The following PICK1 variants were observed in gnomAD, a reference collection of about 807,000 sequenced individuals.
PICK1 encodes PRKCA-binding protein.
In PICK1, 23 loss-of-function variants were observed where a neutral mutation model predicts 48.9. The ratio of observed to expected loss-of-function variants is 0.47; its 90% CI spans 0.34 to 0.67. The LOEUF (loss-of-function observed/expected upper bound fraction) is 0.67. Among genes scored for constraint, PICK1 ranks in the 30% least tolerant of loss-of-function variants. PICK1 has a pLI of 0.01. For synonymous variants in PICK1, 217 were observed against 228.2 expected (o/e 0.95, Z 0.44); for missense variants, 423 against 557.1 (o/e 0.76, Z 2.42).
Position 38,073,679 on chromosome 22 carries a change from C to T in PICK1, c.784-94C>T. The T allele has an allele frequency of 1.7e-6, 2 of 1,172,572 alleles. No individual in the cohort carries two copies. Among genetic ancestry groups the T allele is most frequent in the African/African-American group, 1.5e-5 (1 of 66,636 alleles). The allele number at this position is 1,172,572 out of a possible 1,614,324, so 72.6% of individuals were successfully genotyped here. A position where few individuals can be genotyped will look rare whatever the true frequency, so the allele number is the denominator to read the frequency against. ...TCTGGGACTCCCTGAACACCTGCGC[C>T]AGCCTCTCCTGCTGCGTGTGGGTGA... is the stretch of plus-strand genomic sequence containing the variant. On this transcript the variant is annotated intron_variant, in intron 10 of 12. Coordinates refer to ENST00000356976, the MANE Select transcript of PICK1 (RefSeq NM_012407.4). This position sits in a 1 kb window ranked among gnomAD's most constrained non-coding sequence, Gnocchi z 5.7.
At chr22:38,058,683 T>C (rs530970206) in intron 2 of PICK1, among the ~76,000 whole-genome samples, 73 of 152,184 alleles carry the variant, frequency 4.8e-4, no homozygotes, top group Admixed American at 2.7e-3. Flanking sequence ...GATGAGGAAA[T>C]TGAGATGCAC....
At chr22:38,067,971 G>A in intron 5 of PICK1, 2 of 678,722 alleles carry the variant, frequency 2.9e-6, no homozygotes, top group South Asian at 3.0e-5. Context: ...ATCTGTTCTT[G>A]TACTCTGTCC....
rs2085797145 is a variant in PICK1, at chr22:38,074,840, C to G, written c.980-24C>G. 5 of 1,607,332 alleles carry G rather than the reference C, an allele frequency of 3.1e-6. No individual in the cohort carries two copies. The highest frequency in any genetic ancestry group is 4.2e-6 in the Non-Finnish European group (5 of 1,179,818). On this transcript the variant is annotated intron_variant, in intron 12 of 12. Coordinates refer to ENST00000356976, the MANE Select transcript of PICK1 (RefSeq NM_012407.4). The surrounding 1 kb of genome is among the most constrained non-coding windows in gnomAD (Gnocchi z 4.5). The stretch of plus-strand genomic sequence containing the variant: ...GCAGGCAGCCAGAGCCCACTGCAGC[C>G]TGTCCCCCGACCTCCCACCCCAGTC...
At chr22:38,072,003 T>C in intron 8 of PICK1, 1 of 552,166 alleles carries the variant, frequency 1.8e-6, no homozygotes, top group Non-Finnish European at 3.3e-6. Flanking sequence ...TGCTTATTTA[T>C]ATTTCTGACA....
chr22:38,057,767 A>C lies in PICK1; in HGVS notation c.-43A>C. 6.3e-7 allele frequency: 1 copy of C among 1,591,258 alleles called. No homozygotes were observed. Among genetic ancestry groups the C allele is most frequent in the African/African-American group, 1.3e-5 (1 of 74,522 alleles). ...CCCGGATCCAGTTCCCCATTCCCCT[A>C]CCGAGCTGGGCAGTTAGCCAGCCCA... On this transcript the variant is annotated 5_prime_UTR_variant, in exon 2 of 13. Transcript: ENST00000356976.
At chr22:38,060,858 C>A (rs1420751391) in intron 3 of PICK1, among the ~76,000 whole-genome samples, 1 of 151,534 alleles carries the variant, frequency 6.6e-6, no homozygotes, top group South Asian at 2.1e-4. Flanking sequence ...AAACGATTCT[C>A]ATGCCTCAGC....
rs529594848 is a variant in PICK1, at chr22:38,059,242, C to G, written c.50C>G (p.Pro17Arg). Residue 17 changes from proline (P) to arginine (R), a missense_variant, in exon 3 of 13, where the codon CCG (proline) becomes CGG (arginine). Physicochemically the swap from Pro to Arg is moderately radical, Grantham distance 103. Transcript: ENST00000356976. ...CTTGCTTTCCTTTCTAGCGGAATCC[C>G]GACTGTGCCTGGGAAGGTGACCCTG... Reference protein sequence around the residue: ...YDIEEDKLGIPTVPGKVTLQK... With the variant: ...YDIEEDKLGIRTVPGKVTLQK... 6.3e-7 allele frequency: 1 copy of G among 1,577,980 alleles called. No individual in the cohort carries two copies. Among genetic ancestry groups the G allele is most frequent in the Non-Finnish European group, 8.6e-7 (1 of 1,161,220 alleles).
Position 38,073,940 on chromosome 22 carries a change from T to G in PICK1, c.834+117T>G, listed in dbSNP as rs115323443. 9.2e-7 allele frequency: 1 copy of G among 1,087,008 alleles called. No individual in the cohort carries two copies. Among genetic ancestry groups the G allele is most frequent in the Admixed American group, 1.8e-5 (1 of 54,734 alleles). 67.3% of individuals were successfully genotyped at this position (1,087,008 alleles called of 1,614,324 possible). A position where few individuals can be genotyped will look rare whatever the true frequency, so the allele number is the denominator to read the frequency against. ...GGGGACTTGGCTGGACTCTCGTTCC[T>G]GGAGATTTAGGGCCATCTTCCCAGT... is the stretch of plus-strand genomic sequence containing the variant. On this transcript the variant is annotated intron_variant, in intron 11 of 12. Transcript: ENST00000356976. This position sits in a 1 kb window ranked among gnomAD's most constrained non-coding sequence, Gnocchi z 5.7.
At position 38,074,239 on chromosome 22, in the gene PICK1, G is replaced by A; in HGVS notation, c.835-68G>A. 1 of 1,565,602 alleles carries A rather than the reference G, an allele frequency of 6.4e-7. No individual in the cohort carries two copies. On this transcript the variant is annotated intron_variant, in intron 11 of 12. Transcript: ENST00000356976. This position sits in a 1 kb window ranked among gnomAD's most constrained non-coding sequence, Gnocchi z 4.5. The stretch of plus-strand genomic sequence containing the variant: ...GGTCTCAGGAATGAAGAACAGCCGT[G>A]GCTTTGAAAGCACAGTGCGGTGCGA...
At chr22:38,065,207 G>C (rs77786449) in intron 4 of PICK1, 77 bp downstream of exon 4, 1 of 1,498,156 alleles carries the variant, frequency 6.7e-7, no homozygotes, top group Non-Finnish European at 9.1e-7. Flanking sequence ...AGAGGTCCCA[G>C]CAGGCCTGGA....
At chr22:38,071,568 T>G in intron 7 of PICK1, 114 bp from the exon 8 acceptor site, 4 of 927,360 alleles carry the variant, frequency 4.3e-6, no homozygotes, top group Non-Finnish European at 3.6e-6. Context: ...GGAAAGGCCA[T>G]GTATCAGGGC....
At position 38,073,031 on chromosome 22, in the gene PICK1, A is replaced by G; in HGVS notation, c.722A>G (p.Lys241Arg). Reference sequence around the variant, plus strand: ...ACGGATCTGAACACGTACCTCAACAAAGCCATCCCGGACACTCGCCTCACC... The same window carrying G: ...ACGGATCTGAACACGTACCTCAACAGAGCCATCCCGGACACTCGCCTCACC... ...MLTDLNTYLN[K>R]AIPDTRLTIK... Residue 241 changes from lysine (K) to arginine (R), a missense_variant, in exon 10 of 13, where the codon AAA (lysine) becomes AGA (arginine). Physicochemically the swap from Lys to Arg is conservative, Grantham distance 26. Coordinates refer to ENST00000356976, the MANE Select transcript of PICK1 (RefSeq NM_012407.4). The surrounding 1 kb of genome is among the most constrained non-coding windows in gnomAD (Gnocchi z 5.7). 6.2e-7 allele frequency: 1 copy of G among 1,613,898 alleles called. No homozygotes were observed. Among genetic ancestry groups the G allele is most frequent in the Non-Finnish European group, 8.5e-7 (1 of 1,179,898 alleles).
In PICK1 at chr22:38,057,536, G is replaced by T. The variant is rs1179904464; in HGVS notation, c.-109G>T. 2.0e-6 allele frequency: 1 copy of T among 512,182 alleles called. No individual in the cohort carries two copies. The highest frequency in any genetic ancestry group is 3.5e-6 in the Non-Finnish European group (1 of 283,628). 31.7% of individuals were successfully genotyped at this position (512,182 alleles called of 1,614,324 possible). A position where few individuals can be genotyped will look rare whatever the true frequency, so the allele number is the denominator to read the frequency against. ...CCAGGGCCTGGAGACCCGTGGGGCGGACTCTGGGATCTGAGCCTATCGCCC... is the reference window on the plus strand; with the variant it reads ...CCAGGGCCTGGAGACCCGTGGGGCGTACTCTGGGATCTGAGCCTATCGCCC... On this transcript the variant is annotated 5_prime_UTR_variant, in exon 1 of 13. Transcript: ENST00000356976.
At position 38,072,380 on chromosome 22, in the gene PICK1, G is replaced by A. The variant is rs544931700; in HGVS notation, c.557-97G>A. The A allele has an allele frequency of 8.1e-5, 119 of 1,464,020 alleles. No individual in the cohort carries two copies. The Admixed American group carries it at 1.1e-3, about 13-fold the overall frequency. 90.7% of individuals were successfully genotyped at this position (1,464,020 alleles called of 1,614,324 possible). ...GCCCCTGTGCAGACATTGGCTTCCA[G>A]CCTGCCAGGCCCCCTGCCCTGCTTC... On this transcript the variant is annotated intron_variant, in intron 8 of 12. Transcript: ENST00000356976.
At chr22:38,057,629 A>G in intron 1 of PICK1, 42 bp downstream of exon 1, 1 of 512,436 alleles carries the variant, frequency 2.0e-6, no homozygotes, top group East Asian at 3.1e-5. Context: ...AGACTGTCCC[A>G]TCCCACTCCA....
At chr22:38,060,077 G>GGT (rs2085362073) in intron 3 of PICK1, among the ~76,000 whole-genome samples, 1 of 152,182 alleles carries the variant, frequency 6.6e-6, no homozygotes, top group African/African-American at 2.4e-5. Flanking sequence ...TGGGCGTGGT[G>GGT]GTGCACGCCT....
Position 38,074,937 on chromosome 22 carries a change from G to A in PICK1, c.1053G>A (p.Val351=). 6.2e-7 allele frequency: 1 copy of A among 1,613,746 alleles called. No homozygotes were observed. The highest frequency in any genetic ancestry group is 8.5e-7 in the Non-Finnish European group (1 of 1,180,046). The change falls in exon 13 of 13, where the codon GTG becomes GTA. Residue 351 remains valine, a synonymous_variant. Coordinates refer to ENST00000356976, the MANE Select transcript of PICK1 (RefSeq NM_012407.4). The surrounding 1 kb of genome is among the most constrained non-coding windows in gnomAD (Gnocchi z 4.5). ...AGTACTACAACGACTGCTACGCAGT[G>A]CTGCGGGATGCCGACGTCTTCCCCA... The part of the protein sequence containing the change: ...MSKYYNDCYA[V]LRDADVFPIE...
At position 38,057,763 on chromosome 22, in the gene PICK1, C is replaced by A. The variant is rs750725887; in HGVS notation, c.-47C>A. The A allele has an allele frequency of 1.3e-6, 2 of 1,575,204 alleles. No homozygotes were observed. The highest frequency in any genetic ancestry group is 1.7e-6 in the Non-Finnish European group (2 of 1,144,662). ...CTCTCCCGGATCCAGTTCCCCATTC[C>A]CCTACCGAGCTGGGCAGTTAGCCAG... is the stretch of plus-strand genomic sequence containing the variant. On this transcript the variant is annotated 5_prime_UTR_variant, in exon 2 of 13. Transcript: ENST00000356976.
At chr22:38,070,445 C>T (rs2085650061) in intron 6 of PICK1, among the ~76,000 whole-genome samples, 1 of 152,224 alleles carries the variant, frequency 6.6e-6, no homozygotes. Flanking sequence ...GAATTTCCCC[C>T]TCCCTCCCCA....
Sources: allele counts gnomAD v4.1 joint callset (sites outside exome capture counted in the v4.1 genomes callset), GRCh38; gene constraint gnomAD v4.1.1; non-coding constraint Gnocchi (gnomAD v3.1); transcripts MANE v1.5; gene names NCBI Gene and HGNC (gene_info 2026-07-23, HGNC 2026-07-21).